Variants in NRXN2 observed in about 807,000 individuals in gnomAD.
NRXN2 encodes neurexin 2, also known as neurexin-2-beta.
NRXN2 carries 29 observed loss-of-function variants against 128.8 expected under a neutral mutation model. The ratio of observed to expected loss-of-function variants is 0.23; its 90% confidence interval spans 0.17 to 0.31. The LOEUF is 0.31. NRXN2 is among the 10% of genes least tolerant of loss of function. NRXN2 has a pLI of 1.00. For missense variants in NRXN2, 1,881 were observed against 2,452.6 expected (o/e 0.77, Z 4.92); for synonymous variants, 1,098 against 1,075.2 (o/e 1.02, Z -0.41).
At chr11:64,677,091 C>A in intron 6 of NRXN2, 54 bp from the exon 7 acceptor site, 1 of 1,180,388 alleles carries the variant, frequency 8.5e-7, no homozygotes, top group Non-Finnish European at 1.3e-6. Flanking sequence ...AAAACAACAA[C>A]AAACACAACA....
chr11:64,635,546 AG>A lies in NRXN2; in HGVS notation c.3404-95del. ...GTTGTGACCAGAGGGATGGAACCCC[AG>A]GTCTAGATGTGGGACTTCAGCTGTG... is the stretch of plus-strand genomic sequence containing the variant. On this transcript the variant is annotated intron_variant, in intron 17 of 22. Coordinates refer to ENST00000265459, the MANE Select transcript of NRXN2 (RefSeq NM_015080.4). The surrounding 1 kb of genome is among the most constrained non-coding windows in gnomAD (Gnocchi z 4.8). 1 of 1,351,316 alleles carries A rather than the reference AG, an allele frequency of 7.4e-7. No homozygotes were observed. The highest frequency in any genetic ancestry group is 1.2e-5 in the South Asian group (1 of 81,336). The allele number at this position is 1,351,316 out of a possible 1,614,324, so 83.7% of individuals were successfully genotyped here. A position where few individuals can be genotyped will look rare whatever the true frequency, so the allele number is the denominator to read the frequency against.
chr11:64,684,641 C>T (rs140783436), intron 6 of NRXN2, among the ~76,000 whole-genome samples: 41 of 152,112 alleles, frequency 2.7e-4, no homozygotes, highest in African/African-American at 9.2e-4. Flanking sequence ...AGCCTGCTGA[C>T]GAGGCTTTCA....
In NRXN2 at chr11:64,677,008, G is replaced by A. The variant is rs776214857; in HGVS notation, c.1182C>T (p.Asn394=). ...TGATATCTACCAGATAATGCAGTTT[G>A]TTTACCATAGCGTGTCCAATCCCTG... ...QHAGIGHAMV[N]KLHYLVTISV... The change falls in exon 7 of 23, where the codon AAC becomes AAT. Residue 394 remains asparagine (N), a synonymous_variant. Transcript: ENST00000265459. 1 of 1,612,574 alleles carries A rather than the reference G, an allele frequency of 6.2e-7. No individual in the cohort carries two copies. The highest frequency in any genetic ancestry group is 1.1e-5 in the South Asian group (1 of 90,970).
intron 17 of NRXN2, among the ~76,000 whole-genome samples, chr11:64,641,011 G>A (rs1397796845): frequency 6.6e-6 from 1 of 152,046 alleles, no homozygotes; most frequent in African/African-American, 2.4e-5. Flanking sequence ...AAGTGATGAG[G>A]GTACAAGGAT....
intron 2 of NRXN2, among the ~76,000 whole-genome samples, chr11:64,701,255 T>C (rs573535188): frequency 6.6e-6 from 1 of 152,368 alleles, no homozygotes; most frequent in Non-Finnish European, 1.5e-5. Context: ...TAAAGTCGAA[T>C]CTTCTCAGAA....
At chr11:64,633,736 C>T (rs1424261025) in intron 18 of NRXN2, among the ~76,000 whole-genome samples, 1 of 152,184 alleles carries the variant, frequency 6.6e-6, no homozygotes, top group Non-Finnish European at 1.5e-5. Context: ...TCACTCCTGA[C>T]ACACATCACC....
chr11:64,630,343 T>C lies in NRXN2; in HGVS notation c.3757+59A>G. The C allele has an allele frequency of 2.4e-6, 3 of 1,230,738 alleles. No homozygotes were observed. The highest frequency in any genetic ancestry group is 3.3e-5 in the East Asian group (1 of 30,066). 76.2% of individuals were successfully genotyped at this position (1,230,738 alleles called of 1,614,324 possible). On this transcript the variant is annotated intron_variant, in intron 19 of 22. Coordinates refer to ENST00000265459, the MANE Select transcript of NRXN2 (RefSeq NM_015080.4). This position sits in a 1 kb window ranked among gnomAD's most constrained non-coding sequence, Gnocchi z 4.6. Reference sequence around the variant, plus strand: ...CCCCGCCCCGGTGCGGCCGCACTCCTATCAGAGGCCGCCACCCGCCCCGCC... The same window carrying C: ...CCCCGCCCCGGTGCGGCCGCACTCCCATCAGAGGCCGCCACCCGCCCCGCC...
At chr11:64,657,333 C>T (rs1445128878) in intron 11 of NRXN2, among the ~76,000 whole-genome samples, 2 of 152,218 alleles carry the variant, frequency 1.3e-5, no homozygotes, top group African/African-American at 4.8e-5. Context: ...ATCAGCTGCA[C>T]TGACAGCTGG....
chr11:64,686,099 G>C, intron 5 of NRXN2, 152 bp from the exon 6 acceptor site: 1 of 795,710 alleles, frequency 1.3e-6, no homozygotes, highest in Non-Finnish European at 2.1e-6. Flanking sequence ...TCCCTCCCTC[G>C]GCCTGTCAAC....
In NRXN2 at chr11:64,689,815, C is replaced by G. The variant is rs1332630781; in HGVS notation, c.850+590G>C. Among the ~76,000 whole-genome samples the G allele has an allele frequency of 3.9e-5, 6 of 152,290 alleles. No homozygotes were observed. In the East Asian group the frequency reaches 1.2e-3, roughly 29 times the overall value. On this transcript the variant is annotated intron_variant, in intron 5 of 22. Transcript: ENST00000265459. Reference sequence around the variant, plus strand: ...CAAGGATGGCGGAAATCCAGGCAAACAGAAGAGCAGACTAAAGAATGGAAA... The same window carrying G: ...CAAGGATGGCGGAAATCCAGGCAAAGAGAAGAGCAGACTAAAGAATGGAAA...
Position 64,673,137 on chromosome 11 carries a change from A to G in NRXN2, c.1197+3856T>C, listed in dbSNP as rs538359957. Among the ~76,000 whole-genome samples, 3 of 152,284 alleles carry G rather than the reference A, an allele frequency of 2.0e-5. No individual in the cohort carries two copies. The East Asian group carries it at 5.8e-4, about 29-fold the overall frequency. On this transcript the variant is annotated intron_variant, in intron 7 of 22. Transcript: ENST00000265459. ...CTTTCTCTGGGCTTCAGCTTTCCCCATCTGTTAACTGGAAACAATCTCTGC... is the reference window on the plus strand; with the variant it reads ...CTTTCTCTGGGCTTCAGCTTTCCCCGTCTGTTAACTGGAAACAATCTCTGC...
At chr11:64,662,768 C>T (rs2049222965) in intron 9 of NRXN2, among the ~76,000 whole-genome samples, 2 of 151,284 alleles carry the variant, frequency 1.3e-5, no homozygotes, top group East Asian at 3.9e-4. Flanking sequence ...GGCGACAGAG[C>T]GAGATTCTGT....
At chr11:64,717,809 C>T (rs1419475561) in intron 1 of NRXN2, among the ~76,000 whole-genome samples, 1 of 152,192 alleles carries the variant, frequency 6.6e-6, no homozygotes, top group Admixed American at 6.5e-5. Flanking sequence ...ACGATGAATT[C>T]ACTTGCCCAA....
chr11:64,715,382 GCA>G (rs1414504732), intron 1 of NRXN2, among the ~76,000 whole-genome samples: 3 of 152,166 alleles, frequency 2.0e-5, no homozygotes, highest in Non-Finnish European at 1.5e-5. Flanking sequence ...AAATAGACAA[GCA>G]CAGGATAGCC....
chr11:64,683,988 G>A (rs2052664519), intron 6 of NRXN2, among the ~76,000 whole-genome samples: 1 of 152,188 alleles, frequency 6.6e-6, no homozygotes. Flanking sequence ...GGTTTCTGCT[G>A]CTCACTTGGC....
At chr11:64,654,225 G>T (rs1461256060) in intron 11 of NRXN2, among the ~76,000 whole-genome samples, 1 of 152,128 alleles carries the variant, frequency 6.6e-6, no homozygotes, top group Non-Finnish European at 1.5e-5. Context: ...GCTAAATGGA[G>T]GGGTCTGCCC....
intron 6 of NRXN2, among the ~76,000 whole-genome samples, chr11:64,685,351 C>A (rs2052880267): frequency 6.6e-6 from 1 of 152,148 alleles, no homozygotes; most frequent in Non-Finnish European, 1.5e-5. Flanking sequence ...TTAGCCCCAT[C>A]CCTCGAGAGC....
chr11:64,669,953 C>T (rs993870047), intron 7 of NRXN2, among the ~76,000 whole-genome samples: 1 of 152,124 alleles, frequency 6.6e-6, no homozygotes, highest in African/African-American at 2.4e-5. Context: ...ATGCCCTCCT[C>T]ACCCACACCA....
In NRXN2 at chr11:64,713,618, C is replaced by T; in HGVS notation, c.82G>A (p.Gly28Ser). ...LLLALAARAD[G>S]LEFGGGPGQW... ...CCGGGGCCGCCGCCGAACTCCAGGC[C>T]GTCCGCGCGCGCCGCCAGCGCCAGC... The change falls in exon 2 of 23, where the codon GGC becomes AGC. Residue 28 changes from glycine (G) to serine (S), a missense_variant. This residue lies in a region of NRXN2 where 997 missense variants were observed against 1,240.8 expected (regional missense o/e 0.80). Transcript: ENST00000265459. 11 of 1,264,142 alleles carry T rather than the reference C, an allele frequency of 8.7e-6. No individual in the cohort carries two copies. Among genetic ancestry groups the T allele is most frequent in the Non-Finnish European group, 1.1e-5 (11 of 1,001,544 alleles). 78.3% of individuals were successfully genotyped at this position (1,264,142 alleles called of 1,614,324 possible).
Sources: allele counts gnomAD v4.1 joint callset (sites outside exome capture counted in the v4.1 genomes callset), GRCh38; gene constraint gnomAD v4.1.1; regional missense constraint gnomAD v4.1.1; non-coding constraint Gnocchi (gnomAD v3.1); transcripts MANE v1.5; gene names NCBI Gene and HGNC (gene_info 2026-07-23, HGNC 2026-07-21).